PALM2AKAP2: variants seen among roughly 807,000 people sequenced by gnomAD.
PALM2AKAP2 encodes PALM2 and AKAP2 fusion, also known as PALM2-AKAP2 fusion protein.
In PALM2AKAP2, 37 loss-of-function variants were observed where a neutral mutation model predicts 71.5. That is an observed-to-expected ratio of 0.52 (90% CI 0.40 to 0.68). The LOEUF is 0.68. Among genes scored for constraint, PALM2AKAP2 ranks in the 30% least tolerant of loss-of-function variants. The pLI, the probability that PALM2AKAP2 is intolerant of heterozygous loss-of-function variation, is 0.00. For missense variants in PALM2AKAP2, 1,224 were observed against 1,191.8 expected (o/e 1.03, Z -0.40); for synonymous variants, 468 against 478.8 (o/e 0.98, Z 0.29).
At chr9:109,679,892 C>T (rs1434410144) in intron 1 of PALM2AKAP2, among the ~76,000 whole-genome samples, 1 of 152,050 alleles carries the variant, frequency 6.6e-6, no homozygotes, top group East Asian at 1.9e-4. Context: ...TAGATAGTAT[C>T]CTTTAGTTTG....
At chr9:109,843,000 C>G (rs988020042) in intron 1 of PALM2AKAP2, among the ~76,000 whole-genome samples, 9 of 151,662 alleles carry the variant, frequency 5.9e-5, no homozygotes, top group Admixed American at 5.3e-4. Flanking sequence ...ATTTGCCGGG[C>G]GTGGTGGCGC....
At chr9:109,681,128 T>C (rs997711645) in intron 1 of PALM2AKAP2, among the ~76,000 whole-genome samples, 2 of 152,236 alleles carry the variant, frequency 1.3e-5, no homozygotes, top group Non-Finnish European at 2.9e-5. Flanking sequence ...TCAATAAATA[T>C]CTTTTGAAGA....
chr9:109,881,174 T>C (rs1331973974), intron 3 of PALM2AKAP2, among the ~76,000 whole-genome samples: 1 of 152,208 alleles, frequency 6.6e-6, no homozygotes, highest in Non-Finnish European at 1.5e-5. Context: ...GTAAGGATAA[T>C]GGCCTCCACC....
At position 109,756,171 on chromosome 9, in the gene PALM2AKAP2, T is replaced by G. The variant is rs1828961455; in HGVS notation, c.6-24317T>G. ...TATATACATACAGATACCAACAGTA[T>G]GTAAGTCTGTTCCTCAAACCTTCAC... is the stretch of plus-strand genomic sequence containing the variant. On this transcript the variant is annotated intron_variant, in intron 1 of 6. Transcript: ENST00000374531. Among the ~76,000 whole-genome samples the G allele has an allele frequency of 2.0e-5, 3 of 151,772 alleles. No individual in the cohort carries two copies. The South Asian group carries it at 6.2e-4, about 31-fold the overall frequency.
intron 3 of PALM2AKAP2, among the ~76,000 whole-genome samples, chr9:110,164,756 C>T (rs1836692380): frequency 1.3e-5 from 2 of 152,120 alleles, no homozygotes; most frequent in Admixed American, 1.3e-4. Context: ...GTCTCGAACA[C>T]CTAGTCTCAA....
rs142324056 is a variant in PALM2AKAP2, at chr9:109,782,653, T to G, written c.45+2120T>G. Among the ~76,000 whole-genome samples, 409 of 152,262 alleles carry G rather than the reference T, an allele frequency of 2.7e-3. 2 individuals carry two copies. Among genetic ancestry groups the G allele is most frequent in the African/African-American group, 9.6e-3 (397 of 41,550 alleles). ...ACTTGAGCATCCTTTGATTTTGGTA[T>G]CCAAGGGGGTCCTGAAACCAATTCT... On this transcript the variant is annotated intron_variant, in intron 1 of 9. Transcript: ENST00000302798.
intron 1 of PALM2AKAP2, among the ~76,000 whole-genome samples, chr9:109,790,451 G>A (rs76303378): frequency 0.015 from 2,244 of 152,218 alleles, 59 homozygotes; most frequent in African/African-American, 0.051. Flanking sequence ...ATTCTTAAGA[G>A]AAAAACATGC....
At chr9:110,170,157 T>G (rs187162527) in exon 4 of PALM2AKAP2, 1 of 152,494 alleles carries the variant, frequency 6.6e-6, no homozygotes, top group Non-Finnish European at 1.5e-5. Context: ...TATTCAATAA[T>G]TGGGTGCCCT....
intron 3 of PALM2AKAP2, among the ~76,000 whole-genome samples, chr9:109,884,823 G>T (rs1829930992): frequency 1.3e-5 from 2 of 152,126 alleles, no homozygotes; most frequent in Non-Finnish European, 2.9e-5. Context: ...CCTTGTTGTT[G>T]AACTAAGAAT....
In PALM2AKAP2 at chr9:109,819,727, G is replaced by A. The variant is rs571572720; in HGVS notation, c.45+39194G>A. The stretch of plus-strand genomic sequence containing the variant: ...TGTATGTGTGTGTGTGTGTGTGTGT[G>A]TGTGTGTATTATATGTATTAAGCTC... On this transcript the variant is annotated intron_variant, in intron 1 of 9. Coordinates refer to the PALM2AKAP2 transcript ENST00000302798. 8.6e-5 allele frequency among the ~76,000 whole-genome samples: 13 copies of A among 150,680 alleles called. No homozygotes were observed. In the South Asian group the frequency reaches 2.5e-3, roughly 29 times the overall value.
chr9:109,782,744 T>TGTGTGTG (rs1826849241), intron 1 of PALM2AKAP2, among the ~76,000 whole-genome samples: 2 of 144,306 alleles, frequency 1.4e-5, no homozygotes, highest in African/African-American at 5.3e-5. Context: ...GTGTGTTTGT[T>TGTGTGTG]TGTGTGTGTG....
chr9:109,759,242 AT>A (rs1347697780), intron 1 of PALM2AKAP2, among the ~76,000 whole-genome samples: 2 of 152,014 alleles, frequency 1.3e-5, no homozygotes, highest in Non-Finnish European at 2.9e-5. Context: ...TAGAACCCAG[AT>A]TTTTGGAACC....
intron 1 of PALM2AKAP2, among the ~76,000 whole-genome samples, chr9:109,742,467 G>A (rs1828730487): frequency 6.6e-6 from 1 of 152,126 alleles, no homozygotes; most frequent in South Asian, 2.1e-4. Flanking sequence ...AAATGGGTCA[G>A]GAGTCTAAAA....
intron 1 of PALM2AKAP2, among the ~76,000 whole-genome samples, chr9:109,739,830 G>A (rs1828691766): frequency 6.6e-6 from 1 of 152,166 alleles, no homozygotes; most frequent in Non-Finnish European, 1.5e-5. Flanking sequence ...AAGGGCTGCA[G>A]AACGTGGGCA....
At position 110,036,763 on chromosome 9, in the gene PALM2AKAP2, C is replaced by T. The variant is rs182056782; in HGVS notation, c.582+20724C>T. Reference sequence around the variant, plus strand: ...CAGTCTTCTCTCACCCCTCCTTTCTCAGCTCTGAAGTCCTCCTGGCTGCTC... The same window carrying T: ...CAGTCTTCTCTCACCCCTCCTTTCTTAGCTCTGAAGTCCTCCTGGCTGCTC... On this transcript the variant is annotated intron_variant, in intron 7 of 9. Transcript: ENST00000302798. Among the ~76,000 whole-genome samples, 505 of 152,258 alleles carry T rather than the reference C, an allele frequency of 3.3e-3. 7 individuals are homozygous for T. Among genetic ancestry groups the T allele is most frequent in the Admixed American group, 0.024 (364 of 15,294 alleles).
intron 3 of PALM2AKAP2, among the ~76,000 whole-genome samples, chr9:109,883,775 AT>A (rs1829906880): frequency 1.3e-5 from 2 of 152,190 alleles, no homozygotes; most frequent in African/African-American, 4.8e-5. Context: ...GTCCCTGTGG[AT>A]TGGCTGGCAT....
At chr9:109,921,323 G>A (rs1042826413) in intron 3 of PALM2AKAP2, among the ~76,000 whole-genome samples, 3 of 152,124 alleles carry the variant, frequency 2.0e-5, no homozygotes, top group Admixed American at 2.0e-4. Flanking sequence ...ACTATTTGGG[G>A]CCAGAAAATT....
chr9:110,061,124 C>T (rs987422781), intron 1 of PALM2AKAP2, among the ~76,000 whole-genome samples: 8 of 152,152 alleles, frequency 5.3e-5, no homozygotes, highest in African/African-American at 1.4e-4. Flanking sequence ...TGTGTGTCAC[C>T]TCTTGCAAGA....
At chr9:110,125,293 G>T (rs971387311) in intron 1 of PALM2AKAP2, among the ~76,000 whole-genome samples, 1 of 152,212 alleles carries the variant, frequency 6.6e-6, no homozygotes, top group African/African-American at 2.4e-5. Context: ...AACGCCGCCA[G>T]CTCCTGCCTC....
Sources: gnomAD v4.1 joint callset for allele counts (sites outside exome capture counted in the v4.1 genomes callset) on GRCh38, gnomAD v4.1.1 for gene constraint, MANE v1.5 for transcripts, NCBI Gene and HGNC (gene_info 2026-07-23, HGNC 2026-07-21) for gene names.